The following NR3C2 variants were observed in gnomAD, a reference collection of about 807,000 sequenced individuals.
NR3C2 encodes nuclear receptor subfamily 3 group C member 2.
A neutral mutation model predicts 86.4 loss-of-function variants in NR3C2; 15 were observed. The ratio of observed to expected loss-of-function variants is 0.17; its 90% confidence interval spans 0.12 to 0.27. The LOEUF is 0.27. Among genes scored for constraint, NR3C2 ranks in the 10% least tolerant of loss-of-function variants. The pLI, the probability that NR3C2 is intolerant of heterozygous loss-of-function variation, is 1.00. For missense variants in NR3C2, 960 were observed against 1,195.6 expected, an observed-to-expected ratio of 0.80 and a Z score of 2.91; for synonymous variants, 458 against 450.5, an observed-to-expected ratio of 1.02 and a Z score of -0.21.
chr4:148,267,784 C>A (rs929753834), intron 2 of NR3C2, among the ~76,000 whole-genome samples: 2 of 151,934 alleles, frequency 1.3e-5, no homozygotes, highest in Admixed American at 6.6e-5. Flanking sequence ...ATTTGGAAAC[C>A]ACCAATATTT....
At chr4:148,392,028 TA>T (rs1412053604) in intron 2 of NR3C2, among the ~76,000 whole-genome samples, 1 of 152,036 alleles carries the variant, frequency 6.6e-6, no homozygotes, top group African/African-American at 2.4e-5. Flanking sequence ...AATACAAAAT[TA>T]ATAACTATTA....
intron 2 of NR3C2, among the ~76,000 whole-genome samples, chr4:148,378,504 T>A (rs1202483641): frequency 1.3e-5 from 2 of 152,112 alleles, no homozygotes; most frequent in Admixed American, 1.3e-4. Context: ...GACTGGATCA[T>A]GGGGGTGGAT....
intron 2 of NR3C2, among the ~76,000 whole-genome samples, chr4:148,407,379 G>C (rs1748476406): frequency 1.3e-5 from 2 of 152,046 alleles, no homozygotes; most frequent in Admixed American, 1.3e-4. Flanking sequence ...GGCCGTAAGT[G>C]GTTTATAAGA....
chr4:148,211,686 G>A (rs531459724), intron 3 of NR3C2, among the ~76,000 whole-genome samples: 3 of 151,820 alleles, frequency 2.0e-5, no homozygotes, highest in Non-Finnish European at 4.4e-5. Flanking sequence ...CCTCTATGAA[G>A]CAGGATGGAG....
chr4:148,383,482 T>A (rs1177816601), intron 2 of NR3C2, among the ~76,000 whole-genome samples: 1 of 152,158 alleles, frequency 6.6e-6, no homozygotes, highest in Non-Finnish European at 1.5e-5. Flanking sequence ...GTATCTGAAA[T>A]CAAACATGAT....
chr4:148,371,068 T>G (rs1027582402), intron 2 of NR3C2, among the ~76,000 whole-genome samples: 9 of 152,174 alleles, frequency 5.9e-5, no homozygotes, highest in Non-Finnish European at 1.0e-4. Flanking sequence ...AGGTATTTGG[T>G]AGGTATATAT....
At chr4:148,425,423 A>C (rs1749479011) in intron 2 of NR3C2, among the ~76,000 whole-genome samples, 1 of 152,218 alleles carries the variant, frequency 6.6e-6, no homozygotes, top group Admixed American at 6.5e-5. Context: ...AAGAAGATCA[A>C]GGAAGGCCTC....
intron 2 of NR3C2, among the ~76,000 whole-genome samples, chr4:148,333,447 T>A (rs1475481293): frequency 6.6e-6 from 1 of 152,110 alleles, no homozygotes; most frequent in Non-Finnish European, 1.5e-5. Context: ...TTTACCAGTT[T>A]CCTTTGTAGC....
rs1735491740 is a variant in NR3C2 at position 148,178,561 on chromosome 4, T to C, written c.2014+16185A>G. Reference sequence around the variant, plus strand: ...TAGTAGAGATGTGTTTATTATACTCTGATTGTTACAGTCACAGTTCCTTTC... The same window carrying C: ...TAGTAGAGATGTGTTTATTATACTCCGATTGTTACAGTCACAGTTCCTTTC... On this transcript the variant is annotated intron_variant, in intron 4 of 8. Coordinates refer to ENST00000358102, the MANE Select transcript of NR3C2 (RefSeq NM_000901.5). 1.3e-5 allele frequency among the ~76,000 whole-genome samples: 2 copies of C among 151,752 alleles called. 1 individual carries two copies. The highest frequency in any genetic ancestry group is 2.9e-5 in the Non-Finnish European group (2 of 67,888).
intron 2 of NR3C2, among the ~76,000 whole-genome samples, chr4:148,390,305 A>C (rs1747478208): frequency 6.6e-6 from 1 of 152,110 alleles, no homozygotes; most frequent in Non-Finnish European, 1.5e-5. Flanking sequence ...AGATGAATGC[A>C]TGAATGTTTG....
chr4:148,275,745 T>C (rs1740928115), intron 2 of NR3C2, among the ~76,000 whole-genome samples: 1 of 152,134 alleles, frequency 6.6e-6, no homozygotes, highest in South Asian at 2.1e-4. Flanking sequence ...TCTTATCTTA[T>C]AAATAATAGA....
rs534438569 is a variant in NR3C2 at position 148,308,865 on chromosome 4, C to T, written c.1758-48748G>A. ...AGGCATGGTGGCACATGCCTGTGGT[C>T]CCAGCTACTTGGGAGGCTGAGGTGG... is the stretch of plus-strand genomic sequence containing the variant. On this transcript the variant is annotated intron_variant, in intron 2 of 8. Coordinates refer to ENST00000358102, the MANE Select transcript of NR3C2 (RefSeq NM_000901.5). Among the ~76,000 whole-genome samples, 22 of 152,202 alleles carry T rather than the reference C, an allele frequency of 1.4e-4. No individual in the cohort carries two copies. The South Asian group carries it at 4.4e-3, about 30-fold the overall frequency.
chr4:148,295,660 C>G (rs923915708), intron 2 of NR3C2, among the ~76,000 whole-genome samples: 1 of 151,496 alleles, frequency 6.6e-6, no homozygotes, highest in African/African-American at 2.4e-5. Flanking sequence ...TTCTCATACT[C>G]TCACCACTGG....
intron 4 of NR3C2, among the ~76,000 whole-genome samples, chr4:148,155,336 G>C (rs1734320005): frequency 6.6e-6 from 1 of 152,206 alleles, no homozygotes; most frequent in Non-Finnish European, 1.5e-5. Flanking sequence ...CCTGTTTGCA[G>C]ACGACATGAT....
intron 8 of NR3C2, among the ~76,000 whole-genome samples, chr4:148,089,780 C>T (rs190138315): frequency 6.6e-6 from 1 of 152,338 alleles, no homozygotes; most frequent in Non-Finnish European, 1.5e-5. Context: ...TCCAGATGTG[C>T]CACCATGAGT....
rs148107136 is a variant in NR3C2 at position 148,232,643 on chromosome 4, T to C, written c.1897+27335A>G. Among the ~76,000 whole-genome samples the C allele has an allele frequency of 2.3e-3, 352 of 152,312 alleles. 2 individuals carry two copies. The highest frequency in any genetic ancestry group is 8.1e-3 in the African/African-American group (337 of 41,584). The stretch of plus-strand genomic sequence containing the variant: ...AGCCCCTGACAAGAGAGTCAGCCTG[T>C]CCTTTGAAGCTTTGAATCTAGGCAC... On this transcript the variant is annotated intron_variant, in intron 3 of 8. Coordinates refer to ENST00000358102, the MANE Select transcript of NR3C2 (RefSeq NM_000901.5).
chr4:148,380,136 T>C (rs1377963800), intron 2 of NR3C2, among the ~76,000 whole-genome samples: 1 of 152,214 alleles, frequency 6.6e-6, no homozygotes, highest in East Asian at 1.9e-4. Context: ...AATTCAGTGA[T>C]TATCTGTATA....
chr4:148,385,395 A>C (rs182788806), intron 2 of NR3C2, among the ~76,000 whole-genome samples: 1 of 152,358 alleles, frequency 6.6e-6, no homozygotes, highest in Admixed American at 6.5e-5. Flanking sequence ...AGAATGTTTT[A>C]GTTTGAAGCA....
rs1388518944 is a variant in NR3C2 at position 148,079,951 on chromosome 4, A to G, written c.*1393T>C. 3 of 152,194 alleles carry G rather than the reference A, an allele frequency of 2.0e-5. No homozygotes were observed. The highest frequency in any genetic ancestry group is 2.9e-5 in the Non-Finnish European group (2 of 68,032). The allele number at this position is 152,194 out of a possible 1,614,324, so 9.4% of individuals were successfully genotyped here. On this transcript the variant is annotated 3_prime_UTR_variant, in exon 9 of 9. Coordinates refer to ENST00000358102, the MANE Select transcript of NR3C2 (RefSeq NM_000901.5). ...GAAGGGAATAGCTGATCTTTAACAG[A>G]GAGAGAGTGCATGGAATTTTTTTTT... is the stretch of plus-strand genomic sequence containing the variant.
Sources: gnomAD v4.1 joint callset for allele counts (sites outside exome capture counted in the v4.1 genomes callset) on GRCh38, gnomAD v4.1.1 for gene constraint, MANE v1.5 for transcripts, NCBI Gene and HGNC (gene_info 2026-07-23, HGNC 2026-07-21) for gene names.